The following KIAA1671 variants were observed in gnomAD, a reference collection of about 807,000 sequenced individuals.
KIAA1671 encodes uncharacterized protein KIAA1671.
A neutral mutation model predicts 131.2 loss-of-function variants in KIAA1671; 52 were observed. That is an observed-to-expected ratio of 0.40 (90% CI 0.32 to 0.50). The LOEUF (loss-of-function observed/expected upper bound fraction) is 0.50, where lower values mean the gene tolerates loss of function less well. Ranked by LOEUF, KIAA1671 falls within the 20% of genes least tolerant of loss-of-function variation. The probability of loss-of-function intolerance (pLI) is 0.73; values close to 1 mark genes in which losing one functional copy is unlikely to be tolerated. For missense variants in KIAA1671, 2,360 were observed against 2,364.2 expected (o/e 1.00, Z 0.04); for synonymous variants, 1,003 against 961.6 (o/e 1.04, Z -0.80).
intron 5 of KIAA1671, 161 bp from the exon 6 acceptor site, chr22:25,049,069 C>T (rs1197450291): frequency 9.4e-6 from 8 of 854,194 alleles, no homozygotes; most frequent in South Asian, 3.9e-5. Flanking sequence ...CCAGAGCTAC[C>T]GCCCTACATG....
rs117348619 is a variant in KIAA1671, at chr22:24,953,851, G to A, written c.-208+1079G>A. On this transcript the variant is annotated intron_variant, in intron 1 of 12. Coordinates refer to ENST00000358431, the MANE Select transcript of KIAA1671 (RefSeq NM_001145206.2). ...CAGGAGCAGCCATTATCTTTTGGAAGGGAAAGGACTGTACCTGTTGCACAA... is the reference window on the plus strand; with the variant it reads ...CAGGAGCAGCCATTATCTTTTGGAAAGGAAAGGACTGTACCTGTTGCACAA... Among the ~76,000 whole-genome samples the A allele has an allele frequency of 4.0e-4, 61 of 152,296 alleles. No individual in the cohort carries two copies. The East Asian group carries it at 9.7e-3, about 24-fold the overall frequency.
At chr22:25,185,163 A>G in intron 11 of KIAA1671, 44 bp downstream of exon 11, 2 of 1,508,630 alleles carry the variant, frequency 1.3e-6, no homozygotes, top group Non-Finnish European at 1.8e-6. Flanking sequence ...TTCCAAACTC[A>G]GGCTATACTT....
At chr22:24,993,822 G>C (rs1006977528) in intron 1 of KIAA1671, among the ~76,000 whole-genome samples, 2 of 152,146 alleles carry the variant, frequency 1.3e-5, no homozygotes, top group East Asian at 3.9e-4. Context: ...GCTCTCGCTT[G>C]TAATCCCAGC....
chr22:25,128,387 A>G (rs1314371854), intron 6 of KIAA1671, among the ~76,000 whole-genome samples: 1 of 152,236 alleles, frequency 6.6e-6, no homozygotes, highest in Admixed American at 6.5e-5. Flanking sequence ...CTGGCTTCAC[A>G]CCAGGTGTTG....
chr22:25,028,229 T>C lies in KIAA1671; in HGVS notation c.230T>C (p.Val77Ala), dbSNP rs1359819211. The C allele has an allele frequency of 7.1e-6, 11 of 1,551,214 alleles. No homozygotes were observed. The African/African-American group carries it at 1.1e-4, about 15-fold the overall frequency. Residue 77 changes from valine to alanine, a missense_variant, in exon 3 of 13, where the codon GTG becomes GCG. Val to Ala is a moderately conservative substitution (Grantham distance 64). Coordinates refer to ENST00000358431, the MANE Select transcript of KIAA1671 (RefSeq NM_001145206.2). ...APKPFSKEQDVKSPVPSLRPS... is the reference protein window; with the variant it reads ...APKPFSKEQDAKSPVPSLRPS... The stretch of plus-strand genomic sequence containing the variant: ...AAACCCTTCTCGAAGGAGCAGGACG[T>C]GAAATCTCCTGTCCCGTCTCTGCGG...
intron 6 of KIAA1671, among the ~76,000 whole-genome samples, chr22:25,154,670 C>G (rs547338259): frequency 1.7e-4 from 26 of 152,334 alleles, no homozygotes; most frequent in African/African-American, 6.3e-4. Flanking sequence ...GGTTTTCCCC[C>G]TTTCCCTGGG....
At position 25,195,173 on chromosome 22, in the gene KIAA1671, C is replaced by G. The variant is rs1355300912; in HGVS notation, c.*2772C>G. On this transcript the variant is annotated 3_prime_UTR_variant, in exon 13 of 13. Transcript: ENST00000358431. ...CCTCTATATGTACAATCTCTCTCCC[C>G]CTCATTTCTCTTCCTCCTCACCTCC... The G allele has an allele frequency of 6.6e-6, 1 of 152,052 alleles. No individual in the cohort carries two copies. The highest frequency in any genetic ancestry group is 6.6e-5 in the Admixed American group (1 of 15,204). The allele number at this position is 152,052 out of a possible 1,614,324, so 9.4% of individuals were successfully genotyped here. A position where few individuals can be genotyped will look rare whatever the true frequency, so the allele number is the denominator to read the frequency against.
chr22:25,133,966 A>G (rs1165527082), intron 6 of KIAA1671, among the ~76,000 whole-genome samples: 2 of 152,168 alleles, frequency 1.3e-5, no homozygotes, highest in African/African-American at 4.8e-5. Context: ...GGGCCTTGAG[A>G]TTCCACAAGG....
At chr22:25,065,152 T>A (rs1602110742) in intron 6 of KIAA1671, 1 of 152,034 alleles carries the variant, frequency 6.6e-6, no homozygotes, top group East Asian at 1.9e-4. Context: ...GCGGCGGCTG[T>A]ATGGTGAAGG....
intron 6 of KIAA1671, among the ~76,000 whole-genome samples, chr22:25,155,580 A>T (rs1601364278): frequency 6.7e-6 from 1 of 149,998 alleles, no homozygotes; most frequent in African/African-American, 2.5e-5. Flanking sequence ...GTGTGTGTAC[A>T]TTTGTGCATG....
Position 25,040,531 on chromosome 22 carries a change from G to C in KIAA1671, c.3401G>C (p.Arg1134Pro). 3 of 1,551,754 alleles carry C rather than the reference G, an allele frequency of 1.9e-6. No homozygotes were observed. The Admixed American group carries it at 5.9e-5, about 30-fold the overall frequency. ...GATGTGGATGCCTTATGGAGTCATCGGGGATCAGAAGATGGCCCTCGTCCT... is the reference window on the plus strand; with the variant it reads ...GATGTGGATGCCTTATGGAGTCATCCGGGATCAGAAGATGGCCCTCGTCCT... Reference protein sequence around the residue: ...IIDVDALWSHRGSEDGPRPQS... With the variant: ...IIDVDALWSHPGSEDGPRPQS... Residue 1134 changes from arginine (R) to proline (P), a missense_variant, in exon 5 of 13, where the codon CGG becomes CCG. Around this residue, in one of 3 missense-constraint regions of KIAA1671, gnomAD observed 1,161 missense variants for 1,204.7 expected, o/e 0.96. Coordinates refer to ENST00000358431, the MANE Select transcript of KIAA1671 (RefSeq NM_001145206.2).
chr22:24,978,444 C>A (rs1923029881), intron 1 of KIAA1671, among the ~76,000 whole-genome samples: 1 of 152,090 alleles, frequency 6.6e-6, no homozygotes, highest in Non-Finnish European at 1.5e-5. Context: ...TCTTTATCAG[C>A]AGCATGAAAA....
At chr22:25,005,848 C>G (rs904808514) in intron 1 of KIAA1671, among the ~76,000 whole-genome samples, 1 of 152,112 alleles carries the variant, frequency 6.6e-6, no homozygotes, top group Non-Finnish European at 1.5e-5. Context: ...CTAGCTCTGC[C>G]TTTTCCTACC....
chr22:25,172,547 G>A (rs1275574614), intron 7 of KIAA1671, among the ~76,000 whole-genome samples: 1 of 152,220 alleles, frequency 6.6e-6, no homozygotes, highest in Non-Finnish European at 1.5e-5. Flanking sequence ...GCTCAAGGGA[G>A]CAGACTGGTG....
At chr22:25,014,189 A>G (rs904773150) in intron 1 of KIAA1671, 8 of 152,242 alleles carry the variant, frequency 5.3e-5, no homozygotes, top group African/African-American at 1.9e-4. Flanking sequence ...TAATATTTAT[A>G]TAATGGAATA....
chr22:25,144,197 T>G (rs913158002), intron 6 of KIAA1671, among the ~76,000 whole-genome samples: 1 of 152,244 alleles, frequency 6.6e-6, no homozygotes, highest in African/African-American at 2.4e-5. Flanking sequence ...TTTAAAATGC[T>G]TCAAGTTTTT....
chr22:25,077,725 T>TTTTCA (rs1279992833), intron 6 of KIAA1671, among the ~76,000 whole-genome samples: 2 of 152,234 alleles, frequency 1.3e-5, no homozygotes, highest in African/African-American at 4.8e-5. Flanking sequence ...ATCACTGTGG[T>TTTTCA]TTTCATTGTG....
At chr22:24,967,658 C>T (rs1922365342) in intron 1 of KIAA1671, among the ~76,000 whole-genome samples, 1 of 152,154 alleles carries the variant, frequency 6.6e-6, no homozygotes, top group Non-Finnish European at 1.5e-5. Flanking sequence ...CCCCATTGTC[C>T]CCCAGCCTTG....
Position 25,041,091 on chromosome 22 carries a change from A to G in KIAA1671, c.3961A>G (p.Lys1321Glu). 1 of 1,542,592 alleles carries G rather than the reference A, an allele frequency of 6.5e-7. No homozygotes were observed. The highest frequency in any genetic ancestry group is 8.8e-7 in the Non-Finnish European group (1 of 1,142,212). ...TCCTATACCTGCGGATCCCAGGAAA[A>G]AAACGGGGTTTGCTGAGGATGACAG... ...GSPIPADPRK[K>E]TGFAEDDRKA... The change falls in exon 5 of 13, where the codon AAA becomes GAA. Residue 1321 changes from lysine (K) to glutamate (E), a missense_variant. Lys to Glu is a moderately conservative substitution (Grantham distance 56, BLOSUM62 1). Coordinates refer to ENST00000358431, the MANE Select transcript of KIAA1671 (RefSeq NM_001145206.2).
Sources: allele counts gnomAD v4.1 joint callset (sites outside exome capture counted in the v4.1 genomes callset), GRCh38; gene constraint gnomAD v4.1.1; regional missense constraint gnomAD v4.1.1; transcripts MANE v1.5; gene names NCBI Gene and HGNC (gene_info 2026-07-23, HGNC 2026-07-21).